The following ALK variants were observed in gnomAD, a reference collection of about 807,000 sequenced individuals.
ALK encodes the protein ALK tyrosine kinase receptor.
A neutral mutation model predicts 163.1 loss-of-function variants in ALK; 74 were observed. The ratio of observed to expected loss-of-function variants is 0.45; its 90% CI spans 0.38 to 0.55. The LOEUF is 0.55. ALK is among the 20% of genes least tolerant of loss of function. The pLI, the probability that ALK is intolerant of heterozygous loss-of-function variation, is 0.00. For synonymous variants in ALK, 960 were observed against 843.2 expected, an observed-to-expected ratio of 1.14 and a Z score of -2.40; for missense variants, 2,063 against 2,105.3, an observed-to-expected ratio of 0.98 and a Z score of 0.39.
rs1668005882 is a variant in ALK at position 29,921,549 on chromosome 2, A to ACCAC, written c.-894_-891dup. On this transcript the variant is annotated 5_prime_UTR_variant, in exon 1 of 29. It introduces an in-frame stop codon into an upstream open reading frame of the 5' UTR. Transcript: ENST00000389048. Reference sequence around the variant, plus strand: ...GAGGCGGCGGGAGGTACCAGCTGCTACCACCGCTGCCGCCCCCAGAGCCGC... The same window carrying ACCAC: ...GAGGCGGCGGGAGGTACCAGCTGCTACCACCCACCGCTGCCGCCCCCAGAGCCGC... 4.3e-6 allele frequency: 1 copy of ACCAC among 231,364 alleles called. No homozygotes were observed. Among genetic ancestry groups the ACCAC allele is most frequent in the Admixed American group, 5.6e-5 (1 of 17,712 alleles). The allele number at this position is 231,364 out of a possible 1,614,324, so 14.3% of individuals were successfully genotyped here.
chr2:29,747,521 A>G (rs144754157), intron 1 of ALK, among the ~76,000 whole-genome samples: 1 of 152,314 alleles, frequency 6.6e-6, no homozygotes, highest in East Asian at 1.9e-4. Context: ...AGAGGGGCTG[A>G]TGTCTCTGTC....
At chr2:29,541,388 G>A (rs1379544013) in intron 3 of ALK, among the ~76,000 whole-genome samples, 1 of 152,194 alleles carries the variant, frequency 6.6e-6, no homozygotes, top group Non-Finnish European at 1.5e-5. Context: ...TGCCATGAAG[G>A]TTCAAGCAAT....
At chr2:29,676,133 T>C (rs1221978187) in intron 3 of ALK, among the ~76,000 whole-genome samples, 1 of 152,084 alleles carries the variant, frequency 6.6e-6, no homozygotes, top group Non-Finnish European at 1.5e-5. Context: ...CAAATTTTTC[T>C]CCCAGTCTTG....
chr2:29,553,797 A>G (rs1673775046), intron 3 of ALK, among the ~76,000 whole-genome samples: 1 of 152,168 alleles, frequency 6.6e-6, no homozygotes, highest in African/African-American at 2.4e-5. Flanking sequence ...CATGTCTTTA[A>G]TTACTAGTGA....
At chr2:29,499,794 G>A (rs1398025582) in intron 4 of ALK, among the ~76,000 whole-genome samples, 1 of 151,854 alleles carries the variant, frequency 6.6e-6, no homozygotes, top group African/African-American at 2.4e-5. Context: ...GTCTTGCGGT[G>A]CCTCCAGGTG....
intron 3 of ALK, among the ~76,000 whole-genome samples, chr2:29,687,354 A>G (rs1678268906): frequency 6.6e-6 from 1 of 151,926 alleles, no homozygotes; most frequent in Non-Finnish European, 1.5e-5. Context: ...TGCTGTCCCT[A>G]GGCAGGCAGG....
At chr2:29,306,556 G>C (rs1005233361) in intron 8 of ALK, among the ~76,000 whole-genome samples, 17 of 152,328 alleles carry the variant, frequency 1.1e-4, no homozygotes, top group African/African-American at 3.4e-4. Flanking sequence ...ATTTTAACAA[G>C]ATCTTATCCT....
At chr2:29,446,559 C>A (rs553011424) in intron 4 of ALK, among the ~76,000 whole-genome samples, 6 of 152,198 alleles carry the variant, frequency 3.9e-5, no homozygotes, top group Admixed American at 6.5e-5. Flanking sequence ...TACACTAAAT[C>A]TGGGTTGTCG....
intron 4 of ALK, among the ~76,000 whole-genome samples, chr2:29,447,490 ACT>A (rs1454549385): frequency 6.6e-6 from 1 of 152,176 alleles, no homozygotes; most frequent in Non-Finnish European, 1.5e-5. Context: ...GTTTATTATA[ACT>A]CAGTCCAAGA....
intron 1 of ALK, among the ~76,000 whole-genome samples, chr2:29,792,741 A>G (rs1664217707): frequency 6.6e-6 from 1 of 152,116 alleles, no homozygotes; most frequent in Non-Finnish European, 1.5e-5. Context: ...TGGTGCATAT[A>G]AAAGTTATGC....
At position 29,785,912 on chromosome 2, in the gene ALK, TACACACACAC is replaced by T. The variant is rs10524599; in HGVS notation, c.668-68225_668-68216del. On this transcript the variant is annotated intron_variant, in intron 1 of 28. Transcript: ENST00000389048. Reference sequence around the variant, plus strand: ...ACATAGGGGGAAATGTTTTTGAGTATACACACACACACACACACACACACACACACACACA... The same window carrying T: ...ACATAGGGGGAAATGTTTTTGAGTATACACACACACACACACACACACACA... Among the ~76,000 whole-genome samples, 112 of 146,730 alleles carry T rather than the reference TACACACACAC, an allele frequency of 7.6e-4. 1 individual carries two copies. The highest frequency in any genetic ancestry group is 4.6e-3 in the South Asian group (21 of 4,560).
chr2:29,434,656 T>C (rs1160068047), intron 4 of ALK, among the ~76,000 whole-genome samples: 3 of 152,200 alleles, frequency 2.0e-5, no homozygotes, highest in Non-Finnish European at 4.4e-5. Flanking sequence ...GTACTGACAA[T>C]CTACATGATT....
intron 3 of ALK, among the ~76,000 whole-genome samples, chr2:29,625,468 C>T (rs1165457564): frequency 1.3e-5 from 2 of 152,144 alleles, no homozygotes; most frequent in Non-Finnish European, 2.9e-5. Flanking sequence ...CTTTCAATAG[C>T]CCTGCAAAGT....
chr2:29,482,194 T>C (rs1671678748), intron 4 of ALK, among the ~76,000 whole-genome samples: 1 of 152,172 alleles, frequency 6.6e-6, no homozygotes, highest in Admixed American at 6.5e-5. Context: ...TCTCTGGGCT[T>C]GCAGAGATAT....
intron 4 of ALK, among the ~76,000 whole-genome samples, chr2:29,506,557 C>T (rs1239373573): frequency 6.6e-6 from 1 of 152,124 alleles, no homozygotes; most frequent in East Asian, 1.9e-4. Flanking sequence ...CCATCCTGGC[C>T]AACACGGTGA....
chr2:29,806,793 G>A (rs576657691), intron 1 of ALK, among the ~76,000 whole-genome samples: 271 of 152,266 alleles, frequency 1.8e-3, no homozygotes, highest in African/African-American at 6.1e-3. Context: ...CACGCATGGG[G>A]GCCATTTCTG....
chr2:29,396,293 G>A (rs1194626477), intron 4 of ALK, among the ~76,000 whole-genome samples: 2 of 152,164 alleles, frequency 1.3e-5, no homozygotes, highest in African/African-American at 2.4e-5. Context: ...CCTCTAATAT[G>A]GCAGAGAAGA....
chr2:29,505,785 T>C (rs1459177677), intron 4 of ALK, among the ~76,000 whole-genome samples: 2 of 147,212 alleles, frequency 1.4e-5, no homozygotes, highest in Non-Finnish European at 3.0e-5. Context: ...CTTTCCATAA[T>C]CTAAGGCAGC....
intron 4 of ALK, among the ~76,000 whole-genome samples, chr2:29,515,619 G>T (rs1672640500): frequency 6.6e-6 from 1 of 152,108 alleles, no homozygotes. Context: ...AAACACTTTT[G>T]TAGATGTCCT....
Sources: allele counts gnomAD v4.1 joint callset (sites outside exome capture counted in the v4.1 genomes callset), GRCh38; gene constraint gnomAD v4.1.1; transcripts MANE v1.5; gene names NCBI Gene and HGNC (gene_info 2026-07-23, HGNC 2026-07-21).